The following FGGY variants were observed in gnomAD, a reference collection of about 807,000 sequenced individuals.
The protein encoded by FGGY is FGGY carbohydrate kinase domain containing.
Under a neutral mutation model 71.3 loss-of-function variants are expected in FGGY, and 72 were observed. The observed-to-expected ratio is 1.01, with a 90% CI of 0.84 to 1.23. The LOEUF (loss-of-function observed/expected upper bound fraction) is 1.23. Among genes scored for constraint, FGGY ranks in the 50% most tolerant of loss-of-function variants. FGGY has a pLI of 0.00. For missense variants in FGGY, 668 were observed against 682.3 expected (o/e 0.98, Z 0.23); for synonymous variants, 251 against 250.3 (o/e 1.00, Z -0.02).
intron 13 of FGGY, among the ~76,000 whole-genome samples, chr1:59,669,325 A>G (rs1024772494): frequency 6.6e-6 from 1 of 152,088 alleles, no homozygotes; most frequent in African/African-American, 2.4e-5. Flanking sequence ...CCAAGTTTGT[A>G]ACCAGTTGAT....
chr1:59,430,222 C>T (rs1049617759), intron 5 of FGGY, among the ~76,000 whole-genome samples: 1 of 152,086 alleles, frequency 6.6e-6, no homozygotes, highest in Non-Finnish European at 1.5e-5. Context: ...TTTTTCTGCC[C>T]TGTGATAACT....
chr1:59,588,428 C>T lies in FGGY; in HGVS notation c.904-19375C>T, dbSNP rs1339702579. Among the ~76,000 whole-genome samples the T allele has an allele frequency of 2.0e-5, 3 of 152,002 alleles. No homozygotes were observed. The South Asian group carries it at 6.3e-4, about 32-fold the overall frequency. On this transcript the variant is annotated intron_variant, in intron 8 of 15. Coordinates refer to ENST00000303721, the MANE Select transcript of FGGY (RefSeq NM_018291.5). The stretch of plus-strand genomic sequence containing the variant: ...AGCAAGGCAGGCCAACGTTCAGATT[C>T]AGGAAATACAGAGAACGCCACAAAG...
intron 14 of FGGY, among the ~76,000 whole-genome samples, chr1:59,729,075 T>C (rs1355249778): frequency 1.3e-5 from 2 of 152,074 alleles, no homozygotes; most frequent in Non-Finnish European, 2.9e-5. Context: ...CATTCTTTTT[T>C]CTTTTTGCAT....
intron 4 of FGGY, among the ~76,000 whole-genome samples, chr1:59,375,879 G>GTTTTT (rs770578651): frequency 1.4e-4 from 14 of 99,362 alleles, no homozygotes; most frequent in South Asian, 3.9e-4. Context: ...ATCTAAAGTA[G>GTTTTT]TTTTTTTTTT....
At chr1:59,596,654 C>T (rs986084864) in intron 8 of FGGY, among the ~76,000 whole-genome samples, 3 of 152,174 alleles carry the variant, frequency 2.0e-5, no homozygotes, top group South Asian at 2.1e-4. Flanking sequence ...GTGTGTGAAA[C>T]TGGCCCACCT....
intron 14 of FGGY, among the ~76,000 whole-genome samples, chr1:59,700,142 GTAC>G (rs1331574173): frequency 1.1e-4 from 16 of 152,114 alleles, no homozygotes; most frequent in African/African-American, 3.9e-4. Flanking sequence ...AACTGTTTTT[GTAC>G]TACATTAAGT....
intron 14 of FGGY, among the ~76,000 whole-genome samples, chr1:59,712,643 G>C (rs888734716): frequency 1.3e-5 from 2 of 152,186 alleles, no homozygotes; most frequent in African/African-American, 4.8e-5. Context: ...GCACTACATG[G>C]AAGCTGCCAA....
At chr1:59,377,132 G>A (rs932477591) in intron 4 of FGGY, among the ~76,000 whole-genome samples, 1 of 152,074 alleles carries the variant, frequency 6.6e-6, no homozygotes, top group Admixed American at 6.5e-5. Context: ...GGTCCTCTCA[G>A]TTGGGGTGGA....
chr1:59,523,581 A>G (rs2094895112), intron 7 of FGGY, among the ~76,000 whole-genome samples: 2 of 152,228 alleles, frequency 1.3e-5, no homozygotes, highest in South Asian at 2.1e-4. Context: ...TGTAGCTAGT[A>G]TAGATATCTG....
chr1:59,728,908 C>G (rs1157863928), intron 14 of FGGY, among the ~76,000 whole-genome samples: 1 of 151,960 alleles, frequency 6.6e-6, no homozygotes, highest in East Asian at 1.9e-4. Flanking sequence ...ACTTCTGGAT[C>G]TATTGTTTGG....
At chr1:59,398,429 G>A (rs1442793247) in intron 5 of FGGY, among the ~76,000 whole-genome samples, 1 of 152,102 alleles carries the variant, frequency 6.6e-6, no homozygotes, top group Non-Finnish European at 1.5e-5. Flanking sequence ...AGTAGAGATG[G>A]TGTTTCACCA....
chr1:59,482,684 A>G (rs2093531796), intron 6 of FGGY, among the ~76,000 whole-genome samples: 1 of 151,120 alleles, frequency 6.6e-6, no homozygotes, highest in African/African-American at 2.4e-5. Context: ...TATATATAGT[A>G]TCACTTGATT....
chr1:59,481,146 G>A (rs1196370895), intron 6 of FGGY, among the ~76,000 whole-genome samples: 1 of 152,098 alleles, frequency 6.6e-6, no homozygotes, highest in Non-Finnish European at 1.5e-5. Context: ...AGAAACTATT[G>A]CATTAGGCAT....
chr1:59,709,308 T>C (rs184097696), intron 14 of FGGY, among the ~76,000 whole-genome samples: 4 of 152,320 alleles, frequency 2.6e-5, no homozygotes, highest in Admixed American at 2.0e-4. Context: ...ACTGCCACTT[T>C]TAAGCCATCA....
At chr1:59,653,006 C>G (rs945687631) in intron 11 of FGGY, among the ~76,000 whole-genome samples, 2 of 151,890 alleles carry the variant, frequency 1.3e-5, no homozygotes, top group Non-Finnish European at 2.9e-5. Context: ...GTTGGAATAC[C>G]CTGCCGTGTG....
intron 11 of FGGY, among the ~76,000 whole-genome samples, chr1:59,641,055 C>T (rs867124745): frequency 2.7e-5 from 4 of 150,770 alleles, no homozygotes; most frequent in Non-Finnish European, 2.9e-5. Flanking sequence ...CTGGTCCCAG[C>T]GGTCAGGAAA....
At chr1:59,651,224 T>G (rs2097156707) in intron 11 of FGGY, among the ~76,000 whole-genome samples, 2 of 152,198 alleles carry the variant, frequency 1.3e-5, no homozygotes, top group African/African-American at 4.8e-5. Context: ...AAATGTATAT[T>G]CTGTTGATTT....
Position 59,378,729 on chromosome 1 carries a change from A to G in FGGY, c.466-20A>G, listed in dbSNP as rs2058984364. On this transcript the variant is annotated intron_variant, in intron 4 of 15. Coordinates refer to ENST00000303721, the MANE Select transcript of FGGY (RefSeq NM_018291.5). ...TAGAAAAACCCCCTAATTGATTCTA[A>G]TATATATTTAATTTGGCAGAACTTG... is the stretch of plus-strand genomic sequence containing the variant. 2 of 1,606,128 alleles carry G rather than the reference A, an allele frequency of 1.2e-6. No individual in the cohort carries two copies. Among genetic ancestry groups the G allele is most frequent in the Non-Finnish European group, 8.5e-7 (1 of 1,173,960 alleles).
chr1:59,514,578 A>G (rs2094594564), intron 7 of FGGY, among the ~76,000 whole-genome samples: 1 of 152,104 alleles, frequency 6.6e-6, no homozygotes, highest in African/African-American at 2.4e-5. Flanking sequence ...CCCCATTCAA[A>G]TCTCCACAGA....
Sources: gnomAD v4.1 joint callset for allele counts (sites outside exome capture counted in the v4.1 genomes callset) on GRCh38, gnomAD v4.1.1 for gene constraint, MANE v1.5 for transcripts, NCBI Gene and HGNC (gene_info 2026-07-23, HGNC 2026-07-21) for gene names.